Variants in CAMTA1 observed in about 807,000 individuals in gnomAD.
CAMTA1 encodes calmodulin binding transcription activator 1.
CAMTA1 carries 27 observed loss-of-function variants against 170.9 expected under a neutral mutation model. The observed-to-expected ratio is 0.16, with a 90% CI of 0.12 to 0.22. The LOEUF (loss-of-function observed/expected upper bound fraction) is 0.22, where lower values mean the gene tolerates loss of function less well. CAMTA1 is among the 10% of genes least tolerant of loss of function. The pLI is 1.00. For synonymous variants in CAMTA1, 833 were observed against 891.5 expected, an observed-to-expected ratio of 0.93 and a Z score of 1.17; for missense variants, 1,619 against 2,217.2, an observed-to-expected ratio of 0.73 and a Z score of 5.42.
chr1:6,829,382 T>C (rs1648744072), intron 3 of CAMTA1, among the ~76,000 whole-genome samples: 1 of 152,204 alleles, frequency 6.6e-6, no homozygotes, highest in African/African-American at 2.4e-5. Flanking sequence ...TAAAATCCTT[T>C]CCCTTCTTGG....
chr1:7,061,906 A>T (rs1399207648), intron 3 of CAMTA1, among the ~76,000 whole-genome samples: 1 of 152,028 alleles, frequency 6.6e-6, no homozygotes, highest in African/African-American at 2.4e-5. Context: ...ACGGTGTATG[A>T]GGTCCTATTA....
chr1:6,788,473 G>T (rs1214487476), intron 1 of CAMTA1, among the ~76,000 whole-genome samples: 1 of 152,204 alleles, frequency 6.6e-6, no homozygotes, highest in African/African-American at 2.4e-5. Context: ...CCCAATGTCA[G>T]AAAGTAGAGC....
intron 6 of CAMTA1, among the ~76,000 whole-genome samples, chr1:7,624,752 G>A (rs1352067240): frequency 6.6e-6 from 1 of 152,244 alleles, no homozygotes; most frequent in Non-Finnish European, 1.5e-5. Context: ...CTCTCAGGAA[G>A]TCTGGGGTCC....
In CAMTA1 at chr1:7,673,674, C is replaced by G. The variant is rs920129299; in HGVS notation, c.2779+2637C>G. ...AGGCACACTGAGAGCTGGGACTCCC[C>G]TGCTAGAGCCAGCACTCTGTCTTCA... On this transcript the variant is annotated intron_variant, in intron 10 of 22. Transcript: ENST00000303635. This position sits in a 1 kb window ranked among gnomAD's most constrained non-coding sequence, Gnocchi z 4.6. 6.6e-6 allele frequency among the ~76,000 whole-genome samples: 1 copy of G among 152,242 alleles called. No homozygotes were observed. The highest frequency in any genetic ancestry group is 2.4e-5 in the African/African-American group (1 of 41,454).
chr1:7,406,078 GC>G (rs1327893932), intron 5 of CAMTA1, among the ~76,000 whole-genome samples: 2 of 152,258 alleles, frequency 1.3e-5, no homozygotes, highest in South Asian at 2.1e-4. Context: ...CAATGGCAGA[GC>G]TGGAGCTTCT....
chr1:7,396,581 A>G (rs2089324829), intron 5 of CAMTA1, among the ~76,000 whole-genome samples: 1 of 152,228 alleles, frequency 6.6e-6, no homozygotes, highest in Non-Finnish European at 1.5e-5. Flanking sequence ...TCCAGATCTT[A>G]GAAGAAAAGC....
intron 5 of CAMTA1, among the ~76,000 whole-genome samples, chr1:7,359,256 C>T (rs1215550611): frequency 6.8e-6 from 1 of 146,906 alleles, no homozygotes; most frequent in Non-Finnish European, 1.5e-5. Flanking sequence ...TCATCTCTGC[C>T]ATGTGCAGGG....
intron 1 of CAMTA1, among the ~76,000 whole-genome samples, chr1:6,809,137 C>G (rs1644876070): frequency 6.6e-6 from 1 of 151,938 alleles, no homozygotes; most frequent in African/African-American, 2.4e-5. Flanking sequence ...AGCAATTCTC[C>G]TGCCTCAGCC....
At chr1:6,795,710 A>G (rs1055200087) in intron 1 of CAMTA1, among the ~76,000 whole-genome samples, 5 of 151,554 alleles carry the variant, frequency 3.3e-5, no homozygotes, top group African/African-American at 1.2e-4. Flanking sequence ...TTAACATTCC[A>G]GAAGATACAC....
intron 3 of CAMTA1, among the ~76,000 whole-genome samples, chr1:6,890,693 C>T (rs1202447185): frequency 6.6e-6 from 1 of 152,016 alleles, no homozygotes. Flanking sequence ...GCCTTAGCTT[C>T]CTGAGTAGCT....
intron 4 of CAMTA1, among the ~76,000 whole-genome samples, chr1:7,160,493 T>A (rs1002325036): frequency 1.3e-5 from 2 of 151,922 alleles, no homozygotes; most frequent in African/African-American, 4.8e-5. Flanking sequence ...TGAAACAGAC[T>A]CTTCCCTAGG....
chr1:7,073,236 A>T (rs900664632), intron 3 of CAMTA1, among the ~76,000 whole-genome samples: 4 of 151,956 alleles, frequency 2.6e-5, no homozygotes, highest in African/African-American at 9.7e-5. Context: ...AGGTGGGGGG[A>T]AGCTACAGAA....
In CAMTA1 at chr1:7,063,236, C is replaced by T. The variant is rs368365996; in HGVS notation, c.235-28068C>T. 4.6e-5 allele frequency among the ~76,000 whole-genome samples: 7 copies of T among 152,162 alleles called. No homozygotes were observed. Among genetic ancestry groups the T allele is most frequent in the African/African-American group, 1.7e-4 (7 of 41,438 alleles). On this transcript the variant is annotated intron_variant, in intron 3 of 22. Transcript: ENST00000303635. This position sits in a 1 kb window ranked among gnomAD's most constrained non-coding sequence, Gnocchi z 4.3. ...GAATTTGCTCCCACTTTCTTCACCC[C>T]CTAACATCAGGTCAAATCCGGCCTA...
At chr1:7,595,450 C>G (rs1406279589) in intron 6 of CAMTA1, among the ~76,000 whole-genome samples, 2 of 152,178 alleles carry the variant, frequency 1.3e-5, no homozygotes, top group Admixed American at 6.5e-5. Flanking sequence ...AACTTAGTGC[C>G]TTAATTTGGT....
chr1:7,050,680 C>T lies in CAMTA1; in HGVS notation c.235-40624C>T, dbSNP rs1033916947. Among the ~76,000 whole-genome samples the T allele has an allele frequency of 2.0e-5, 3 of 151,622 alleles. No individual in the cohort carries two copies. Among genetic ancestry groups the T allele is most frequent in the Admixed American group, 1.3e-4 (2 of 15,246 alleles). On this transcript the variant is annotated intron_variant, in intron 3 of 22. Transcript: ENST00000303635. The surrounding 1 kb of genome is among the most constrained non-coding windows in gnomAD (Gnocchi z 4.8). ...CATTGTCTATTTCTTAGGTGAGGGA[C>T]TCCAATTTGTGGAGGCAATGGTGGG... is the stretch of plus-strand genomic sequence containing the variant.
chr1:7,072,366 C>G (rs1376104766), intron 3 of CAMTA1, among the ~76,000 whole-genome samples: 1 of 152,190 alleles, frequency 6.6e-6, no homozygotes, highest in African/African-American at 2.4e-5. Flanking sequence ...CATCCCAAAT[C>G]TGAAACCTGG....
At chr1:6,980,775 G>A (rs1053158888) in intron 3 of CAMTA1, among the ~76,000 whole-genome samples, 6 of 152,158 alleles carry the variant, frequency 3.9e-5, no homozygotes, top group East Asian at 1.9e-4. Flanking sequence ...TTTGCCTTCC[G>A]CCATGATCAT....
chr1:7,569,090 C>A (rs1166334769), intron 6 of CAMTA1, among the ~76,000 whole-genome samples: 1 of 151,624 alleles, frequency 6.6e-6, no homozygotes, highest in African/African-American at 2.4e-5. Context: ...ATCAACATCA[C>A]CATCATCATC....
Position 7,609,099 on chromosome 1 carries a change from G to T in CAMTA1, c.511-31301G>T, listed in dbSNP as rs1454347003. Among the ~76,000 whole-genome samples the T allele has an allele frequency of 6.6e-6, 1 of 152,122 alleles. No homozygotes were observed. The highest frequency in any genetic ancestry group is 1.5e-5 in the Non-Finnish European group (1 of 68,020). Reference sequence around the variant, plus strand: ...TGAGTCACTTCCTGCCAGAGGACAGGGTCTGAACTCCCAGGACATTCTGGC... The same window carrying T: ...TGAGTCACTTCCTGCCAGAGGACAGTGTCTGAACTCCCAGGACATTCTGGC... On this transcript the variant is annotated intron_variant, in intron 6 of 22. Coordinates refer to ENST00000303635, the MANE Select transcript of CAMTA1 (RefSeq NM_015215.4). This position sits in a 1 kb window ranked among gnomAD's most constrained non-coding sequence, Gnocchi z 4.4.
Sources: gnomAD v4.1 joint callset for allele counts (sites outside exome capture counted in the v4.1 genomes callset) on GRCh38, gnomAD v4.1.1 for gene constraint, Gnocchi (gnomAD v3.1) non-coding constraint, MANE v1.5 for transcripts, NCBI Gene and HGNC (gene_info 2026-07-23, HGNC 2026-07-21) for gene names.